The following TMPRSS11B variants were observed in gnomAD, a reference collection of about 807,000 sequenced individuals.
TMPRSS11B encodes transmembrane serine protease 11B.
A neutral mutation model predicts 44.7 loss-of-function variants in TMPRSS11B; 53 were observed. The observed-to-expected ratio is 1.19, with a 90% CI of 0.95 to 1.49. TMPRSS11B has a LOEUF of 1.49. Ranked by LOEUF, TMPRSS11B falls within the 40% of genes most tolerant of loss-of-function variation. The pLI is 0.00. For synonymous variants in TMPRSS11B, 140 were observed against 159.2 expected (o/e 0.88, Z 0.91); for missense variants, 526 against 494.8 (o/e 1.06, Z -0.60).
At chr4:68,235,701 G>A (rs192881203) in intron 4 of TMPRSS11B, among the ~76,000 whole-genome samples, 71 of 152,158 alleles carry the variant, frequency 4.7e-4, no homozygotes, top group African/African-American at 1.6e-3. Flanking sequence ...AGTCAGTTAG[G>A]ACTGACCACC....
chr4:68,229,245 A>G lies in TMPRSS11B; in HGVS notation c.946+12T>C. 1 of 1,578,848 alleles carries G rather than the reference A, an allele frequency of 6.3e-7. No individual in the cohort carries two copies. Among genetic ancestry groups the G allele is most frequent in the Non-Finnish European group, 8.6e-7 (1 of 1,163,448 alleles). ...TCCCATGCAGCTATTATGATTTTACAAAAAAACTTACCATTCATATAAAGT... is the reference window on the plus strand; with the variant it reads ...TCCCATGCAGCTATTATGATTTTACGAAAAAACTTACCATTCATATAAAGT... On this transcript the variant is annotated intron_variant, in intron 8 of 9. Transcript: ENST00000332644.
intron 7 of TMPRSS11B, among the ~76,000 whole-genome samples, chr4:68,229,861 T>C (rs1237135454): frequency 1.3e-5 from 2 of 150,950 alleles, no homozygotes; most frequent in Non-Finnish European, 2.9e-5. Flanking sequence ...CCAGGATTAG[T>C]CTTATTGCCA....
chr4:68,234,412 T>C, intron 5 of TMPRSS11B, 51 bp downstream of exon 5: 1 of 1,545,550 alleles, frequency 6.5e-7, no homozygotes, highest in South Asian at 1.2e-5. Flanking sequence ...TTTAAAAAAA[T>C]AATCCAGAAA....
chr4:68,230,339 G>A (rs183816006), intron 7 of TMPRSS11B, among the ~76,000 whole-genome samples: 22 of 152,116 alleles, frequency 1.4e-4, no homozygotes, highest in African/African-American at 3.4e-4. Context: ...AATTTCCATC[G>A]TACTTACTAT....
intron 4 of TMPRSS11B, among the ~76,000 whole-genome samples, chr4:68,235,767 A>T (rs961978430): frequency 2.0e-5 from 3 of 151,964 alleles, no homozygotes; most frequent in Admixed American, 2.0e-4. Context: ...GTATATAATG[A>T]CTCTTGCCCA....
At position 68,243,742 on chromosome 4, in the gene TMPRSS11B, G is replaced by T. The variant is rs1191950547; in HGVS notation, c.8+1809C>A. On this transcript the variant is annotated intron_variant, in intron 1 of 9. Transcript: ENST00000332644. ...ATTAGCCAGTTATAACAGTCTGGTA[G>T]CTTGGGCTTTCTGAGACATGCATAT... is the stretch of plus-strand genomic sequence containing the variant. Among the ~76,000 whole-genome samples the T allele has an allele frequency of 2.6e-5, 4 of 152,136 alleles. No homozygotes were observed. In the East Asian group the frequency reaches 7.7e-4, roughly 29 times the overall value.
At chr4:68,242,281 ATATT>A (rs1459840504) in intron 1 of TMPRSS11B, among the ~76,000 whole-genome samples, 2 of 76,124 alleles carry the variant, frequency 2.6e-5, no homozygotes, top group African/African-American at 1.3e-4. Flanking sequence ...AATATTATAT[ATATT>A]ATATTATACA....
At chr4:68,234,160 C>G (rs1221528308) in intron 5 of TMPRSS11B, among the ~76,000 whole-genome samples, 3 of 139,040 alleles carry the variant, frequency 2.2e-5, no homozygotes, top group African/African-American at 7.9e-5. Context: ...GACTCCATCT[C>G]AAAAAAAAAA....
chr4:68,241,286 T>A (rs1380104717), intron 2 of TMPRSS11B, among the ~76,000 whole-genome samples: 1 of 152,136 alleles, frequency 6.6e-6, no homozygotes, highest in African/African-American at 2.4e-5. Context: ...AAAAGAGTTA[T>A]TTGCAGATTT....
At chr4:68,238,812 C>T (rs908788223) in intron 2 of TMPRSS11B, among the ~76,000 whole-genome samples, 2 of 152,064 alleles carry the variant, frequency 1.3e-5, no homozygotes, top group African/African-American at 4.8e-5. Context: ...CTTCTTTCTA[C>T]TATTTTATCA....
intron 1 of TMPRSS11B, among the ~76,000 whole-genome samples, chr4:68,245,320 C>A (rs921428000): frequency 6.6e-6 from 1 of 152,098 alleles, no homozygotes; most frequent in African/African-American, 2.4e-5. Flanking sequence ...TATTTATATT[C>A]TTTCCCAGTA....
In TMPRSS11B at chr4:68,236,223, G is replaced by A. The variant is rs1719662238; in HGVS notation, c.168C>T (p.Val56=). 5 of 1,611,962 alleles carry A rather than the reference G, an allele frequency of 3.1e-6. No individual in the cohort carries two copies. Among genetic ancestry groups the A allele is most frequent in the Admixed American group, 3.3e-5 (2 of 59,820 alleles). ...CGTTTTCACAATTATCATTGTATGT[G>A]ACTCCAGAAATATGAAAATCACCTT... The part of the protein sequence containing the change: ...YYQGDFHISG[V]TYNDNCENAA... Residue 56 remains valine, a synonymous_variant, in exon 3 of 10, where the codon GTC becomes GTT. Coordinates refer to ENST00000332644, the MANE Select transcript of TMPRSS11B (RefSeq NM_182502.3).
chr4:68,231,235 C>T lies in TMPRSS11B; in HGVS notation c.654G>A (p.Arg218=), dbSNP rs1719504566. ...AGCAGTGAGCTGCAGATAATAGCCA[C>T]CTGCTGCTGATCAGAGAGGCTCCAC... ...HYCGASLISS[R]WLLSAAHCFA... Residue 218 remains arginine, a synonymous_variant, in exon 7 of 10, where the codon AGG becomes AGA. Coordinates refer to ENST00000332644, the MANE Select transcript of TMPRSS11B (RefSeq NM_182502.3). 1 of 1,612,376 alleles carries T rather than the reference C, an allele frequency of 6.2e-7. No individual in the cohort carries two copies. Among genetic ancestry groups the T allele is most frequent in the Non-Finnish European group, 8.5e-7 (1 of 1,179,572 alleles).
chr4:68,230,887 G>A (rs929559936), intron 7 of TMPRSS11B, among the ~76,000 whole-genome samples: 24 of 151,786 alleles, frequency 1.6e-4, no homozygotes, highest in African/African-American at 5.6e-4. Flanking sequence ...ATCTTCAAAT[G>A]GTTTTAACTA....
At chr4:68,231,442 T>C (rs1719514051) in intron 6 of TMPRSS11B, 62 bp from the exon 7 acceptor site, 4 of 1,408,352 alleles carry the variant, frequency 2.8e-6, no homozygotes, top group Admixed American at 4.7e-5. Context: ...TAAAAAAATA[T>C]ATCATTAAAA....
At chr4:68,238,321 G>A (rs1261336489) in intron 2 of TMPRSS11B, among the ~76,000 whole-genome samples, 1 of 152,128 alleles carries the variant, frequency 6.6e-6, no homozygotes, top group African/African-American at 2.4e-5. Context: ...GAAGTTACCT[G>A]AAAAGATGAA....
Position 68,231,321 on chromosome 4 carries a change from T to A in TMPRSS11B, c.568A>T (p.Ser190Cys). 6.2e-7 allele frequency: 1 copy of A among 1,613,588 alleles called. No homozygotes were observed. The highest frequency in any genetic ancestry group is 8.5e-7 in the Non-Finnish European group (1 of 1,179,752). Residue 190 changes from serine to cysteine, a missense_variant, in exon 7 of 10, where the codon AGC becomes TGC. Ser to Cys is a moderately radical substitution (Grantham distance 112). Transcript: ENST00000332644. ...CATGGCCATGCCCCCTCCAGGGAGC[T>A]TTTTCCATTCACAATTTTGTTGCCA... is the stretch of plus-strand genomic sequence containing the variant. ...ITGNKIVNGKSSLEGAWPWQA... is the reference protein window; with the variant it reads ...ITGNKIVNGKCSLEGAWPWQA...
At chr4:68,240,583 T>C (rs1310143347) in intron 2 of TMPRSS11B, among the ~76,000 whole-genome samples, 2 of 152,272 alleles carry the variant, frequency 1.3e-5, no homozygotes, top group Non-Finnish European at 2.9e-5. Context: ...ATGGATTTTT[T>C]CACAAGGGCT....
At chr4:68,235,817 G>A (rs951925952) in intron 4 of TMPRSS11B, among the ~76,000 whole-genome samples, 185 bp downstream of exon 4, 24 of 151,968 alleles carry the variant, frequency 1.6e-4, no homozygotes, top group Non-Finnish European at 2.6e-4. Context: ...TTTCATTCAT[G>A]GAGAACTTGA....
Sources: gnomAD v4.1 joint callset for allele counts (sites outside exome capture counted in the v4.1 genomes callset) on GRCh38, gnomAD v4.1.1 for gene constraint, MANE v1.5 for transcripts, NCBI Gene and HGNC (gene_info 2026-07-23, HGNC 2026-07-21) for gene names.